L3MBTL4: variants seen among roughly 807,000 people sequenced by gnomAD.
L3MBTL4 encodes the protein lethal(3)malignant brain tumor-like protein 4.
Under a neutral mutation model 84.5 loss-of-function variants are expected in L3MBTL4, and 70 were observed. That is an observed-to-expected ratio of 0.83 (90% confidence interval 0.68 to 1.01). L3MBTL4 has a LOEUF of 1.01. Ranked by LOEUF, L3MBTL4 falls within the 50% of genes least tolerant of loss-of-function variation. The pLI is 0.00. For missense variants in L3MBTL4, 715 were observed against 754.8 expected (o/e 0.95, Z 0.62); for synonymous variants, 274 against 259.8 (o/e 1.05, Z -0.52).
chr18:6,178,482 C>T (rs1454006720), intron 12 of L3MBTL4, among the ~76,000 whole-genome samples: 1 of 152,172 alleles, frequency 6.6e-6, no homozygotes, highest in Non-Finnish European at 1.5e-5. Flanking sequence ...TACCAAGAGT[C>T]CTTTTGTAAA....
chr18:6,094,170 G>A (rs374660249), intron 14 of L3MBTL4, among the ~76,000 whole-genome samples: 1 of 152,092 alleles, frequency 6.6e-6, no homozygotes, highest in Non-Finnish European at 1.5e-5. Flanking sequence ...GCAGGCTATG[G>A]GCAGAAGGAT....
At chr18:5,958,079 G>A (rs1567911247) in intron 18 of L3MBTL4, among the ~76,000 whole-genome samples, 147 of 52,906 alleles carry the variant, frequency 2.8e-3, no homozygotes, top group African/African-American at 0.027. Flanking sequence ...AGAAGAAGAA[G>A]AAGAAGAAGA....
At chr18:6,336,597 GTCC>G (rs2052351749) in intron 1 of L3MBTL4, among the ~76,000 whole-genome samples, 1 of 152,140 alleles carries the variant, frequency 6.6e-6, no homozygotes. Flanking sequence ...GAGGAATAAG[GTCC>G]AACCAGAGAT....
intron 13 of L3MBTL4, among the ~76,000 whole-genome samples, chr18:6,170,691 G>C (rs73381993): frequency 6.6e-6 from 1 of 152,028 alleles, no homozygotes; most frequent in East Asian, 1.9e-4. Context: ...GAAATCGTTC[G>C]TACTTGAGAA....
Position 6,276,791 on chromosome 18 carries a change from A to C in L3MBTL4, c.128-12753T>G, listed in dbSNP as rs564310058. The stretch of plus-strand genomic sequence containing the variant: ...TTAAGAAGAAAAATAAAGACAAAGA[A>C]AAGAAATAGGAAATGCTAGCAGTTA... On this transcript the variant is annotated intron_variant, in intron 4 of 18. Transcript: ENST00000317931. Among the ~76,000 whole-genome samples, 6 of 152,232 alleles carry C rather than the reference A, an allele frequency of 3.9e-5. No individual in the cohort carries two copies. The East Asian group carries it at 7.7e-4, about 20-fold the overall frequency.
intron 12 of L3MBTL4, among the ~76,000 whole-genome samples, chr18:6,174,927 C>T (rs538610957): frequency 1.4e-4 from 21 of 149,332 alleles, no homozygotes; most frequent in Non-Finnish European, 2.8e-4. Context: ...ATAATATCAA[C>T]TCATCTAACA....
chr18:6,155,623 C>T (rs1000900897), intron 13 of L3MBTL4, among the ~76,000 whole-genome samples: 1 of 152,130 alleles, frequency 6.6e-6, no homozygotes, highest in Non-Finnish European at 1.5e-5. Context: ...AAACAAATTC[C>T]AATTTTTACT....
Position 5,956,203 on chromosome 18 carries a change from A to C in L3MBTL4, c.*17T>G. The C allele has an allele frequency of 6.2e-7, 1 of 1,605,060 alleles. No homozygotes were observed. Among genetic ancestry groups the C allele is most frequent in the Non-Finnish European group, 8.5e-7 (1 of 1,174,892 alleles). On this transcript the variant is annotated 3_prime_UTR_variant, in exon 19 of 19. Transcript: ENST00000317931. ...AGAGCGCAGGTCTTGGTGCCAGAGG[A>C]AGTTCAGGGAGCCCATTCATCCCCT...
At chr18:6,036,928 G>T (rs1372098749) in intron 16 of L3MBTL4, among the ~76,000 whole-genome samples, 1 of 152,112 alleles carries the variant, frequency 6.6e-6, no homozygotes, top group Non-Finnish European at 1.5e-5. Flanking sequence ...GGTTGCTTTT[G>T]GATGTTTTAG....
intron 16 of L3MBTL4, among the ~76,000 whole-genome samples, chr18:6,003,066 AT>A (rs1234443176): frequency 9.0e-6 from 1 of 111,240 alleles, no homozygotes; most frequent in African/African-American, 3.5e-5. Flanking sequence ...TAGTATCTCT[AT>A]TTATAGAGAT....
chr18:6,259,130 G>A (rs2048286385), intron 5 of L3MBTL4: 1 of 152,126 alleles, frequency 6.6e-6, no homozygotes, highest in Non-Finnish European at 1.5e-5. Context: ...TTGAGCTCTT[G>A]GGAAAATTGC....
chr18:6,165,393 G>C (rs1399384385), intron 13 of L3MBTL4, among the ~76,000 whole-genome samples: 2 of 152,128 alleles, frequency 1.3e-5, no homozygotes, highest in African/African-American at 4.8e-5. Context: ...ATTCACCAAA[G>C]TTGAAATGAA....
At chr18:6,194,950 T>A (rs989169294) in intron 12 of L3MBTL4, among the ~76,000 whole-genome samples, 2 of 152,206 alleles carry the variant, frequency 1.3e-5, no homozygotes, top group African/African-American at 4.8e-5. Flanking sequence ...GAAATTGAAG[T>A]TCTGCCTCTT....
chr18:6,075,729 G>A lies in L3MBTL4; in HGVS notation c.1444+5152C>T, dbSNP rs147447769. ...CATTAAGAGTGTGAAAAGGCAAATG[G>A]TAGACTGGAGAAGATATCTGTAATA... On this transcript the variant is annotated intron_variant, in intron 16 of 18. Coordinates refer to ENST00000317931, the MANE Select transcript of L3MBTL4 (RefSeq NM_001330559.2). Among the ~76,000 whole-genome samples the A allele has an allele frequency of 2.4e-3, 365 of 152,202 alleles. 2 individuals carry two copies. The highest frequency in any genetic ancestry group is 8.4e-3 in the African/African-American group (351 of 41,542).
intron 16 of L3MBTL4, among the ~76,000 whole-genome samples, chr18:6,013,804 AC>A (rs2054841696): frequency 6.6e-6 from 1 of 152,182 alleles, no homozygotes; most frequent in Admixed American, 6.5e-5. Context: ...ATATTAGGCA[AC>A]CAGAAATATT....
At chr18:6,066,250 T>G (rs1434756125) in intron 16 of L3MBTL4, among the ~76,000 whole-genome samples, 1 of 152,174 alleles carries the variant, frequency 6.6e-6, no homozygotes, top group Non-Finnish European at 1.5e-5. Flanking sequence ...TTTAAAAATT[T>G]ATTGAGACTT....
chr18:6,015,978 T>G (rs778049651), intron 16 of L3MBTL4, among the ~76,000 whole-genome samples: 3 of 151,720 alleles, frequency 2.0e-5, no homozygotes, highest in African/African-American at 7.3e-5. Context: ...AAAAGAAAAA[T>G]AAAAATTCAC....
chr18:6,351,176 A>T (rs2053165507), intron 1 of L3MBTL4, among the ~76,000 whole-genome samples: 1 of 152,204 alleles, frequency 6.6e-6, no homozygotes, highest in Non-Finnish European at 1.5e-5. Flanking sequence ...AGCCTGGGAG[A>T]TGCAGCGAGA....
intron 1 of L3MBTL4, among the ~76,000 whole-genome samples, chr18:6,323,017 T>C (rs1391408144): frequency 1.3e-5 from 2 of 152,098 alleles, no homozygotes; most frequent in African/African-American, 4.8e-5. Context: ...TGTTTAAAAG[T>C]GTGTAGCACC....
Sources: gnomAD v4.1 joint callset for allele counts (sites outside exome capture counted in the v4.1 genomes callset) on GRCh38, gnomAD v4.1.1 for gene constraint, MANE v1.5 for transcripts, NCBI Gene and HGNC (gene_info 2026-07-23, HGNC 2026-07-21) for gene names.